CACNA1B: variants seen among roughly 807,000 people sequenced by gnomAD.
CACNA1B encodes the protein calcium voltage-gated channel subunit alpha1 B.
A neutral mutation model predicts 247.2 loss-of-function variants in CACNA1B; 70 were observed. The observed-to-expected ratio is 0.28, with a 90% CI of 0.23 to 0.35. CACNA1B has a LOEUF of 0.35. CACNA1B is among the 10% of genes least tolerant of loss of function. The pLI is 1.00. For synonymous variants in CACNA1B, 1,231 were observed against 1,294.4 expected (o/e 0.95, Z 1.05); for missense variants, 2,367 against 3,197.4 (o/e 0.74, Z 6.26).
At position 137,882,678 on chromosome 9, in the gene CACNA1B, A is replaced by C. The variant is rs1588974221; in HGVS notation, c.391-66A>C. ...ACATGGTGGGGTGGGGTCCTCACCA[A>C]CCGTCTCTGCCCGCTACTACACCGG... is the stretch of plus-strand genomic sequence containing the variant. On this transcript the variant is annotated intron_variant, in intron 2 of 46. Coordinates refer to ENST00000371372, the MANE Select transcript of CACNA1B (RefSeq NM_000718.4). The surrounding 1 kb of genome is among the most constrained non-coding windows in gnomAD (Gnocchi z 4.0). The C allele has an allele frequency of 1.3e-6, 2 of 1,596,716 alleles. No individual in the cohort carries two copies. The highest frequency in any genetic ancestry group is 1.7e-6 in the Non-Finnish European group (2 of 1,166,692).
intron 36 of CACNA1B, among the ~76,000 whole-genome samples, chr9:138,086,695 CCAGCACAG>C (rs1960703942): frequency 3.3e-5 from 5 of 151,344 alleles, no homozygotes; most frequent in African/African-American, 7.3e-5. Flanking sequence ...GAGATAGATT[CCAGCACAG>C]TGTCATTTGC....
intron 15 of CACNA1B, 71 bp from the exon 16 acceptor site, chr9:138,006,696 G>A: frequency 2.4e-6 from 2 of 818,966 alleles, no homozygotes; most frequent in Non-Finnish European, 4.3e-6. Context: ...ATGCACTCAT[G>A]TGGGTGGGGG....
chr9:138,058,148 C>T lies in CACNA1B; in HGVS notation c.4206C>T (p.Val1402=), dbSNP rs1564264434. The T allele has an allele frequency of 3.1e-6, 5 of 1,613,728 alleles. No individual in the cohort carries two copies. Among genetic ancestry groups the T allele is most frequent in the Non-Finnish European group, 2.5e-6 (3 of 1,179,730 alleles). Residue 1402 remains valine (V), a synonymous_variant, in exon 28 of 47, where the codon GTC becomes GTT. Coordinates refer to ENST00000371372, the MANE Select transcript of CACNA1B (RefSeq NM_000718.4). The surrounding 1 kb of genome is among the most constrained non-coding windows in gnomAD (Gnocchi z 4.7). ...LSIFYVVYFV[V]FPFFFVNIFV... ...TCTTCTACGTGGTCTACTTTGTGGTCTTTCCCTTCTTCTTCGTCAACATCT... is the reference window on the plus strand; with the variant it reads ...TCTTCTACGTGGTCTACTTTGTGGTTTTTCCCTTCTTCTTCGTCAACATCT...
Position 138,074,027 on chromosome 9 carries a change from T to G in CACNA1B, c.4818T>G (p.Ile1606Met). 3 of 1,612,770 alleles carry G rather than the reference T, an allele frequency of 1.9e-6. No homozygotes were observed. The highest frequency in any genetic ancestry group is 2.5e-6 in the Non-Finnish European group (3 of 1,179,834). ...CCCTGCCCTACGTGTGTCTGCTCAT[T>G]GCCATGCTGTTCTTCATCTACGCCA... ...FKALPYVCLL[I>M]AMLFFIYAII... The change falls in exon 34 of 47, where the codon ATT (isoleucine) becomes ATG (methionine). Residue 1606 changes from isoleucine (I) to methionine (M), a missense_variant. By Grantham distance (10) the Ile-to-Met change is conservative (BLOSUM62 1). Around this residue, in one of 12 missense-constraint regions of CACNA1B, gnomAD observed 436 missense variants for 679.5 expected, o/e 0.64. Transcript: ENST00000371372.
chr9:137,989,712 G>A (rs1230802788), intron 15 of CACNA1B, among the ~76,000 whole-genome samples: 2 of 152,198 alleles, frequency 1.3e-5, no homozygotes, highest in East Asian at 3.8e-4. Context: ...GTTTAAGCGT[G>A]AGGGCAGAGC....
chr9:137,993,385 T>G (rs1341761627), intron 15 of CACNA1B, among the ~76,000 whole-genome samples: 1 of 138,768 alleles, frequency 7.2e-6, no homozygotes, highest in East Asian at 2.4e-4. Context: ...ATTTTGTCTG[T>G]CTAGATGGAT....
intron 6 of CACNA1B, among the ~76,000 whole-genome samples, chr9:137,939,239 C>T (rs1466204716): frequency 6.6e-6 from 1 of 152,162 alleles, no homozygotes; most frequent in East Asian, 1.9e-4. Flanking sequence ...ATTTACAGAA[C>T]ATTCTAGCCA....
chr9:137,998,048 G>A (rs11137335), intron 15 of CACNA1B, among the ~76,000 whole-genome samples: 44,302 of 151,894 alleles, frequency 0.29, 8,892 homozygotes, highest in East Asian at 0.65. Flanking sequence ...TGTAGTAAAC[G>A]TATAAAAGCT....
chr9:138,046,691 C>G (rs560990151), intron 21 of CACNA1B, among the ~76,000 whole-genome samples: 3 of 152,372 alleles, frequency 2.0e-5, no homozygotes, highest in South Asian at 2.1e-4. Flanking sequence ...CCCCACCCCC[C>G]GTCCCGGGAG....
chr9:138,085,792 C>G (rs1359947836), intron 36 of CACNA1B, among the ~76,000 whole-genome samples: 1 of 151,228 alleles, frequency 6.6e-6, no homozygotes, highest in South Asian at 2.1e-4. Context: ...ATACTATACC[C>G]AGCAAAGCTA....
chr9:138,112,137 G>A (rs542847246), intron 39 of CACNA1B, among the ~76,000 whole-genome samples: 15 of 107,716 alleles, frequency 1.4e-4, no homozygotes, highest in South Asian at 8.3e-4. Context: ...ATGCACACAC[G>A]TCGGACACAC....
At chr9:138,095,360 TC>T (rs1466040386) in intron 36 of CACNA1B, among the ~76,000 whole-genome samples, 2 of 152,200 alleles carry the variant, frequency 1.3e-5, no homozygotes, top group African/African-American at 4.8e-5. Context: ...GAAAAGATAT[TC>T]AACATCTTTG....
At chr9:137,958,371 T>C (rs1250138135) in intron 10 of CACNA1B, among the ~76,000 whole-genome samples, 1 of 152,186 alleles carries the variant, frequency 6.6e-6, no homozygotes, top group Non-Finnish European at 1.5e-5. Flanking sequence ...CAAACACTCA[T>C]ACATCCACAC....
chr9:137,882,830 C>G lies in CACNA1B; in HGVS notation c.477C>G (p.Gly159=). The change falls in exon 3 of 47, where the codon GGC becomes GGG. Residue 159 remains glycine (G), a synonymous_variant. Coordinates refer to ENST00000371372, the MANE Select transcript of CACNA1B (RefSeq NM_000718.4). The surrounding 1 kb of genome is among the most constrained non-coding windows in gnomAD (Gnocchi z 4.0). ...IIALGFVFHK[G]SYLRNGWNVM... ...CTCTGGGCTTTGTCTTCCACAAGGG[C>G]TCTTACCTGCGGAACGGCTGGAACG... 2 of 1,613,956 alleles carry G rather than the reference C, an allele frequency of 1.2e-6. No individual in the cohort carries two copies. Among genetic ancestry groups the G allele is most frequent in the Non-Finnish European group, 1.7e-6 (2 of 1,179,844 alleles).
At chr9:137,918,763 C>T (rs992915308) in intron 6 of CACNA1B, among the ~76,000 whole-genome samples, 2 of 152,086 alleles carry the variant, frequency 1.3e-5, no homozygotes, top group African/African-American at 4.8e-5. Flanking sequence ...TTATTGAGCT[C>T]GTTTATCAAG....
At chr9:137,951,830 C>T (rs1452486904) in intron 6 of CACNA1B, among the ~76,000 whole-genome samples, 1 of 152,150 alleles carries the variant, frequency 6.6e-6, no homozygotes, top group East Asian at 1.9e-4. Context: ...TGCATGTGGA[C>T]TTGGGTCTGA....
intron 38 of CACNA1B, among the ~76,000 whole-genome samples, chr9:138,105,147 C>T (rs1450546773): frequency 2.0e-5 from 3 of 152,244 alleles, no homozygotes; most frequent in Admixed American, 6.5e-5. Context: ...TCCCAGGCCT[C>T]ATGCTGGGTG....
intron 3 of CACNA1B, among the ~76,000 whole-genome samples, chr9:137,898,507 C>A (rs1415654294): frequency 2.0e-5 from 3 of 151,144 alleles, no homozygotes; most frequent in African/African-American, 7.3e-5. Flanking sequence ...CTTGTTTTTT[C>A]TTTCTTTTTA....
chr9:137,931,375 G>C, intron 6 of CACNA1B, among the ~76,000 whole-genome samples: 1 of 152,110 alleles, frequency 6.6e-6, no homozygotes. Flanking sequence ...CATGGGAGGC[G>C]ACCAATCAGG....
Sources: gnomAD v4.1 joint callset for allele counts (sites outside exome capture counted in the v4.1 genomes callset) on GRCh38, gnomAD v4.1.1 for gene constraint, gnomAD v4.1.1 regional missense constraint, Gnocchi (gnomAD v3.1) non-coding constraint, MANE v1.5 for transcripts, NCBI Gene and HGNC (gene_info 2026-07-23, HGNC 2026-07-21) for gene names.